Variants in SGCG observed in about 807,000 individuals in gnomAD.
SGCG encodes the protein gamma-sarcoglycan.
SGCG carries 26 observed loss-of-function variants against 29.3 expected under a neutral mutation model. That is an observed-to-expected ratio of 0.89 (90% CI 0.65 to 1.23). The LOEUF (loss-of-function observed/expected upper bound fraction) is 1.23, where lower values mean the gene tolerates loss of function less well. Among genes scored for constraint, SGCG ranks in the 50% most tolerant of loss-of-function variants. The probability of loss-of-function intolerance (pLI) is 0.00; values close to 1 mark genes in which losing one functional copy is unlikely to be tolerated. For synonymous variants in SGCG, 145 were observed against 129.7 expected (o/e 1.12, Z -0.80); for missense variants, 353 against 356.0 (o/e 0.99, Z 0.07).
intron 5 of SGCG, among the ~76,000 whole-genome samples, chr13:23,280,279 C>T (rs1881259856): frequency 6.6e-6 from 1 of 152,164 alleles, no homozygotes; most frequent in Admixed American, 6.5e-5. Context: ...TCTAAATTCA[C>T]TTGCCAAAGA....
intron 6 of SGCG, among the ~76,000 whole-genome samples, chr13:23,306,705 T>G (rs934080775): frequency 2.0e-5 from 3 of 152,224 alleles, no homozygotes; most frequent in Non-Finnish European, 4.4e-5. Flanking sequence ...TTATTCCTTC[T>G]GGTAACTGAC....
the SGCG span, among the ~76,000 whole-genome samples, chr13:23,171,331 GA>G: frequency 6.6e-6 from 1 of 152,082 alleles, no homozygotes; most frequent in African/African-American, 2.4e-5. Flanking sequence ...ACATTAATAG[GA>G]GAACATTGAC....
chr13:23,208,469 A>T (rs17078466), intron 2 of SGCG, among the ~76,000 whole-genome samples: 1 of 152,108 alleles, frequency 6.6e-6, no homozygotes, highest in Non-Finnish European at 1.5e-5. Flanking sequence ...ACACCAAAGA[A>T]TATTAAAAAT....
At chr13:23,277,737 C>T (rs1280632044) in intron 4 of SGCG, among the ~76,000 whole-genome samples, 1 of 140,950 alleles carries the variant, frequency 7.1e-6, no homozygotes, top group Non-Finnish European at 1.5e-5. Flanking sequence ...CTCACTCTGT[C>T]GCCCAGGCTG....
At chr13:23,286,797 G>T (rs2137629961) in intron 5 of SGCG, among the ~76,000 whole-genome samples, 1 of 152,296 alleles carries the variant, frequency 6.6e-6, no homozygotes, top group Admixed American at 6.5e-5. Flanking sequence ...GTGATGATGT[G>T]AGATGAGAAA....
At chr13:23,297,081 A>G (rs1202159404) in intron 6 of SGCG, among the ~76,000 whole-genome samples, 4 of 152,170 alleles carry the variant, frequency 2.6e-5, no homozygotes, top group Non-Finnish European at 5.9e-5. Context: ...CCGGCTGACC[A>G]TGGCCAAACT....
At chr13:23,314,158 T>TAGAG (rs1285020627) in intron 6 of SGCG, among the ~76,000 whole-genome samples, 3 of 133,522 alleles carry the variant, frequency 2.2e-5, no homozygotes, top group Admixed American at 8.1e-5. Context: ...TATAGCTATA[T>TAGAG]ATATAGAGTT....
In SGCG at chr13:23,181,836, C is replaced by T. The variant is rs115841062; in HGVS notation, c.-1+761C>T. On this transcript the variant is annotated intron_variant, in intron 1 of 7. Coordinates refer to ENST00000218867, the MANE Select transcript of SGCG (RefSeq NM_000231.3). Reference sequence around the variant, plus strand: ...AAAAAAATAATACGGAAAAATATAACTCAGCTGACTGAAAGATTTGCCAGC... The same window carrying T: ...AAAAAAATAATACGGAAAAATATAATTCAGCTGACTGAAAGATTTGCCAGC... Among the ~76,000 whole-genome samples the T allele has an allele frequency of 5.4e-3, 829 of 152,314 alleles. 4 individuals carry two copies. The highest frequency in any genetic ancestry group is 0.019 in the African/African-American group (782 of 41,566).
intron 2 of SGCG, among the ~76,000 whole-genome samples, chr13:23,219,087 G>A (rs538703938): frequency 1.9e-4 from 28 of 147,634 alleles, no homozygotes; most frequent in Non-Finnish European, 3.3e-4. Flanking sequence ...TTGATCTGTC[G>A]CCCAGGCTGG....
At chr13:23,293,367 T>C (rs1881789096) in intron 5 of SGCG, among the ~76,000 whole-genome samples, 1 of 152,216 alleles carries the variant, frequency 6.6e-6, no homozygotes. Flanking sequence ...CTGATTTAAG[T>C]CTGTTTTGCT....
At position 23,203,698 on chromosome 13, in the gene SGCG, G is replaced by A; in HGVS notation, c.4G>A (p.Val2Met). The stretch of plus-strand genomic sequence containing the variant: ...TCGTGAACACACTCCGTGGCAGATG[G>A]TGCGTGAGCAGTACACTACAGCCAC... M[V>M]REQYTTATEG... Residue 2 changes from valine to methionine, a missense_variant, in exon 2 of 8, where the codon GTG (valine) becomes ATG (methionine). Val to Met is a conservative substitution (Grantham distance 21). Transcript: ENST00000218867. 1 of 1,611,450 alleles carries A rather than the reference G, an allele frequency of 6.2e-7. No homozygotes were observed. The highest frequency in any genetic ancestry group is 8.5e-7 in the Non-Finnish European group (1 of 1,178,300).
At chr13:23,168,754 C>A in the SGCG span, among the ~76,000 whole-genome samples, 8 of 152,164 alleles carry the variant, frequency 5.3e-5, no homozygotes, top group Non-Finnish European at 8.8e-5. Flanking sequence ...CAGAGATAAT[C>A]ATTGATAACA....
At chr13:23,241,147 T>TGAA (rs1879491428) in intron 3 of SGCG, among the ~76,000 whole-genome samples, 1 of 58,290 alleles carries the variant, frequency 1.7e-5, no homozygotes. Flanking sequence ...AGACTCCATC[T>TGAA]CAAAAAAAAA....
At chr13:23,297,764 G>A (rs987749206) in intron 6 of SGCG, among the ~76,000 whole-genome samples, 3 of 152,012 alleles carry the variant, frequency 2.0e-5, no homozygotes, top group Non-Finnish European at 4.4e-5. Flanking sequence ...GATTTTGGGG[G>A]GCCTGTTCCC....
intron 3 of SGCG, among the ~76,000 whole-genome samples, chr13:23,248,617 C>A (rs1879821115): frequency 6.6e-6 from 1 of 151,110 alleles, no homozygotes; most frequent in Non-Finnish European, 1.5e-5. Flanking sequence ...TGGCGGGAAC[C>A]CGGGAGGCGG....
intron 2 of SGCG, among the ~76,000 whole-genome samples, chr13:23,211,526 A>T (rs28726968): frequency 0.027 from 4,088 of 152,086 alleles, 194 homozygotes; most frequent in African/African-American, 0.094. Flanking sequence ...CATTATTCCC[A>T]CTTACCTGCA....
intron 5 of SGCG, among the ~76,000 whole-genome samples, chr13:23,292,142 C>CTTTTTT (rs1566034333): frequency 8.1e-6 from 1 of 123,952 alleles, no homozygotes; most frequent in Non-Finnish European, 1.6e-5. Flanking sequence ...TAGAGTCTTA[C>CTTTTTT]TTTGTTGTCC....
the SGCG span, among the ~76,000 whole-genome samples, chr13:23,169,673 ATCTCTC>A: frequency 1.2e-4 from 16 of 138,232 alleles, no homozygotes; most frequent in Admixed American, 2.9e-4. Context: ...GAGAGACTCC[ATCTCTC>A]TCTCTCTCTC....
chr13:23,199,033 G>A (rs952854628), intron 1 of SGCG, among the ~76,000 whole-genome samples: 7 of 151,530 alleles, frequency 4.6e-5, no homozygotes, highest in Non-Finnish European at 7.4e-5. Context: ...ACGGGGACCT[G>A]GAAAGCAGAG....
Sources: gnomAD v4.1 joint callset for allele counts (sites outside exome capture counted in the v4.1 genomes callset) on GRCh38, gnomAD v4.1.1 for gene constraint, MANE v1.5 for transcripts, NCBI Gene and HGNC (gene_info 2026-07-23, HGNC 2026-07-21) for gene names.